The following TSHZ1 variants were observed in gnomAD, a reference collection of about 807,000 sequenced individuals.
The protein encoded by TSHZ1 is teashirt zinc finger homeobox 1, also known as teashirt homolog 1.
Under a neutral mutation model 67.1 loss-of-function variants are expected in TSHZ1, and 12 were observed. The ratio of observed to expected loss-of-function variants is 0.18; its 90% CI spans 0.11 to 0.29. The LOEUF (loss-of-function observed/expected upper bound fraction) is 0.29, where lower values mean the gene tolerates loss of function less well. Among genes scored for constraint, TSHZ1 ranks in the 10% least tolerant of loss-of-function variants. The pLI, the probability that TSHZ1 is intolerant of heterozygous loss-of-function variation, is 1.00. For missense variants in TSHZ1, 1,305 were observed against 1,413.9 expected (o/e 0.92, Z 1.23); for synonymous variants, 632 against 622.4 (o/e 1.02, Z -0.23).
rs750147762 is a variant in TSHZ1 at position 75,286,352 on chromosome 18, C to T, written c.945C>T (p.Ser315=). 2 of 1,614,136 alleles carry T rather than the reference C, an allele frequency of 1.2e-6. No homozygotes were observed. Among genetic ancestry groups the T allele is most frequent in the Admixed American group, 3.3e-5 (2 of 60,022 alleles). The change falls in exon 2 of 2, where the codon TCC becomes TCT. Residue 315 remains serine, a synonymous_variant. Transcript: ENST00000580243. This position sits in a 1 kb window ranked among gnomAD's most constrained non-coding sequence, Gnocchi z 5.1. ...KVLKCMYCGH[S]FESLQDLSVH... ...TGAAGTGCATGTACTGTGGACACTC[C>T]TTTGAGTCCTTGCAGGACCTCAGCG...
At chr18:75,223,559 C>T (rs192554337) in intron 1 of TSHZ1, among the ~76,000 whole-genome samples, 4 of 152,034 alleles carry the variant, frequency 2.6e-5, no homozygotes, top group African/African-American at 4.8e-5. Flanking sequence ...GGCCTGTCTT[C>T]TCCAGGCCCT....
chr18:75,237,869 G>A (rs896907902), intron 1 of TSHZ1, among the ~76,000 whole-genome samples: 7 of 151,908 alleles, frequency 4.6e-5, no homozygotes, highest in Admixed American at 3.9e-4. Flanking sequence ...CTGGAGTGCA[G>A]TGGCGTGATC....
rs560735806 is a variant in TSHZ1, at chr18:75,244,087, C to T, written c.40+32171C>T. Among the ~76,000 whole-genome samples, 64 of 152,186 alleles carry T rather than the reference C, an allele frequency of 4.2e-4. No homozygotes were observed. The South Asian group carries it at 0.013, about 31-fold the overall frequency. ...GATGAGGTTGCTTGACTAGCTAGAT[C>T]GGAGCAGGAAGGAGCAAGTGGAAAG... On this transcript the variant is annotated intron_variant, in intron 1 of 1. Coordinates refer to ENST00000580243, the MANE Select transcript of TSHZ1 (RefSeq NM_001308210.2).
chr18:75,212,182 C>T (rs968744628), intron 1 of TSHZ1, among the ~76,000 whole-genome samples: 1 of 152,196 alleles, frequency 6.6e-6, no homozygotes, highest in African/African-American at 2.4e-5. Context: ...AGGCCGGGGG[C>T]CGCGGGACGG....
intron 1 of TSHZ1, among the ~76,000 whole-genome samples, chr18:75,274,616 T>A (rs953928839): frequency 5.3e-5 from 8 of 152,146 alleles, no homozygotes; most frequent in African/African-American, 1.9e-4. Context: ...AACAAAAGAT[T>A]TTTGGAAAAT....
intron 1 of TSHZ1, among the ~76,000 whole-genome samples, chr18:75,274,983 A>G (rs1174192012): frequency 6.6e-6 from 1 of 152,210 alleles, no homozygotes; most frequent in African/African-American, 2.4e-5. Flanking sequence ...GGTTCATCAC[A>G]CTGATAAATA....
chr18:75,211,773 A>G lies in TSHZ1; in HGVS notation c.-104A>G. 2.7e-6 allele frequency: 2 copies of G among 753,842 alleles called. No homozygotes were observed. Among genetic ancestry groups the G allele is most frequent in the Non-Finnish European group, 3.2e-6 (2 of 618,668 alleles). 46.7% of individuals were successfully genotyped at this position (753,842 alleles called of 1,614,324 possible). On this transcript the variant is annotated 5_prime_UTR_variant, in exon 1 of 2. Coordinates refer to ENST00000580243, the MANE Select transcript of TSHZ1 (RefSeq NM_001308210.2). ...CCCGGAGCCCGCGGGGACGAGGCCA[A>G]AGTTGGGCGCGCCGCGGAGTTGCGC...
rs144797855 is a variant in TSHZ1, at chr18:75,282,009, G to A, written c.41-3439G>A. Among the ~76,000 whole-genome samples, 776 of 152,180 alleles carry A rather than the reference G, an allele frequency of 5.1e-3. 10 individuals carry two copies. Among genetic ancestry groups the A allele is most frequent in the African/African-American group, 0.015 (609 of 41,518 alleles). On this transcript the variant is annotated intron_variant, in intron 1 of 1. Transcript: ENST00000580243. ...AGGGACTTTATGGACCCCCTCCTTC[G>A]ACGTCCGCACTCCCTGGAGTCCACA...
In TSHZ1 at chr18:75,287,162, C is replaced by T. The variant is rs767504704; in HGVS notation, c.1755C>T (p.Leu585=). 1 of 1,613,898 alleles carries T rather than the reference C, an allele frequency of 6.2e-7. No individual in the cohort carries two copies. Among genetic ancestry groups the T allele is most frequent in the East Asian group, 2.2e-5 (1 of 44,870 alleles). The change falls in exon 2 of 2, where the codon CTC becomes CTT. Residue 585 remains leucine, a synonymous_variant. Transcript: ENST00000580243. This position sits in a 1 kb window ranked among gnomAD's most constrained non-coding sequence, Gnocchi z 5.0. The part of the protein sequence containing the change: ...GYPSIHAAYQ[L]PGTVKPLPAA... ...CCAGCATCCATGCAGCCTACCAGCT[C>T]CCGGGCACCGTGAAGCCACTGCCGG...
intron 1 of TSHZ1, among the ~76,000 whole-genome samples, chr18:75,265,579 C>T (rs540521512): frequency 6.6e-6 from 1 of 152,180 alleles, no homozygotes; most frequent in Non-Finnish European, 1.5e-5. Context: ...TGTCACTGTG[C>T]ATAGCAACAG....
chr18:75,239,830 G>A (rs1441649778), intron 1 of TSHZ1, among the ~76,000 whole-genome samples: 1 of 152,206 alleles, frequency 6.6e-6, no homozygotes, highest in Non-Finnish European at 1.5e-5. Flanking sequence ...TTCTCTGATA[G>A]GACATGTACA....
At chr18:75,220,599 C>T (rs1327094383) in intron 1 of TSHZ1, among the ~76,000 whole-genome samples, 1 of 152,170 alleles carries the variant, frequency 6.6e-6, no homozygotes, top group Non-Finnish European at 1.5e-5. Flanking sequence ...ATTCCATTGT[C>T]TTACAGTAAA....
At chr18:75,266,101 T>G (rs1396245458) in intron 1 of TSHZ1, among the ~76,000 whole-genome samples, 1 of 152,164 alleles carries the variant, frequency 6.6e-6, no homozygotes, top group Non-Finnish European at 1.5e-5. Flanking sequence ...GGGTGAGTGA[T>G]CGATGCTGTC....
intron 1 of TSHZ1, among the ~76,000 whole-genome samples, chr18:75,219,844 C>T (rs138807105): frequency 6.6e-5 from 10 of 152,336 alleles, no homozygotes; most frequent in Admixed American, 2.0e-4. Context: ...CTGCTGGTTA[C>T]GTGCTGAAGG....
chr18:75,235,155 A>G (rs1299316566), intron 1 of TSHZ1, among the ~76,000 whole-genome samples: 1 of 152,026 alleles, frequency 6.6e-6, no homozygotes, highest in Non-Finnish European at 1.5e-5. Context: ...CTGAGCATAA[A>G]TCACGCTGCC....
rs1273146080 is a variant in TSHZ1, at chr18:75,211,788, C to T, written c.-89C>T. On this transcript the variant is annotated 5_prime_UTR_variant, in exon 1 of 2. Transcript: ENST00000580243. ...GACGAGGCCAAAGTTGGGCGCGCCGCGGAGTTGCGCCCGCGCCCGGGGCCC... is the reference window on the plus strand; with the variant it reads ...GACGAGGCCAAAGTTGGGCGCGCCGTGGAGTTGCGCCCGCGCCCGGGGCCC... The T allele has an allele frequency of 2.3e-6, 2 of 886,612 alleles. No individual in the cohort carries two copies. Among genetic ancestry groups the T allele is most frequent in the East Asian group, 1.1e-4 (1 of 9,022 alleles). 54.9% of individuals were successfully genotyped at this position (886,612 alleles called of 1,614,324 possible). A position where few individuals can be genotyped will look rare whatever the true frequency, so the allele number is the denominator to read the frequency against.
At chr18:75,250,967 T>C (rs531738752) in intron 1 of TSHZ1, among the ~76,000 whole-genome samples, 2 of 152,338 alleles carry the variant, frequency 1.3e-5, no homozygotes, top group South Asian at 4.1e-4. Flanking sequence ...TGCGGGGACA[T>C]GCCTCTTTGC....
intron 1 of TSHZ1, among the ~76,000 whole-genome samples, chr18:75,249,961 A>C (rs1599039861): frequency 1.7e-5 from 2 of 115,744 alleles, no homozygotes; most frequent in African/African-American, 6.9e-5. Context: ...TCCTCGTCTC[A>C]CCCCTCCAGT....
chr18:75,282,552 C>T (rs1038005745), intron 1 of TSHZ1, among the ~76,000 whole-genome samples: 26 of 152,064 alleles, frequency 1.7e-4, no homozygotes, highest in African/African-American at 5.6e-4. Context: ...ACATTAAATG[C>T]GGTCACAGGG....
Sources: allele counts gnomAD v4.1 joint callset (sites outside exome capture counted in the v4.1 genomes callset), GRCh38; gene constraint gnomAD v4.1.1; non-coding constraint Gnocchi (gnomAD v3.1); transcripts MANE v1.5; gene names NCBI Gene and HGNC (gene_info 2026-07-23, HGNC 2026-07-21).